Variants in CCDC91 observed in about 807,000 individuals in gnomAD.
CCDC91 encodes the protein coiled-coil domain-containing protein 91.
CCDC91 carries 48 observed loss-of-function variants against 63.2 expected under a neutral mutation model. The ratio of observed to expected loss-of-function variants is 0.76; its 90% confidence interval spans 0.60 to 0.97. The LOEUF is 0.97. Among genes scored for constraint, CCDC91 ranks in the 50% least tolerant of loss-of-function variants. The pLI is 0.00. For synonymous variants in CCDC91, 167 were observed against 165.8 expected (o/e 1.01, Z -0.06); for missense variants, 500 against 494.6 (o/e 1.01, Z -0.10).
In CCDC91 at chr12:28,362,863, GA is replaced by G. The variant is rs200150520; in HGVS notation, c.654+355del. On this transcript the variant is annotated intron_variant, in intron 7 of 12. Transcript: ENST00000536442. ...AAAAATTAAGGCATGAAATATATCA[GA>G]AAAAAATATTATACCTTTTTGCTTT... is the stretch of plus-strand genomic sequence containing the variant. Among the ~76,000 whole-genome samples, 1,402 of 152,008 alleles carry G rather than the reference GA, an allele frequency of 9.2e-3. 27 individuals carry two copies. The highest frequency in any genetic ancestry group is 0.032 in the African/African-American group (1,334 of 41,504).
intron 12 of CCDC91, among the ~76,000 whole-genome samples, chr12:28,514,945 A>G (rs1939776792): frequency 6.6e-6 from 1 of 151,758 alleles, no homozygotes; most frequent in Admixed American, 6.6e-5. Flanking sequence ...GTGATGAAAT[A>G]CTCTGTACAA....
rs543287527 is a variant in CCDC91 at position 28,489,268 on chromosome 12, A to G, written c.1215+5103A>G. Among the ~76,000 whole-genome samples the G allele has an allele frequency of 3.3e-5, 5 of 152,102 alleles. No homozygotes were observed. The South Asian group carries it at 6.2e-4, about 19-fold the overall frequency. The stretch of plus-strand genomic sequence containing the variant: ...TTTCTCTCTATGTATTAATTGCCAG[A>G]TAAGATATTATAATACATCATATCT... On this transcript the variant is annotated intron_variant, in intron 12 of 12. Coordinates refer to ENST00000536442, the MANE Select transcript of CCDC91 (RefSeq NM_018318.5).
chr12:28,489,003 A>G (rs1228930307), intron 12 of CCDC91, among the ~76,000 whole-genome samples: 1 of 151,946 alleles, frequency 6.6e-6, no homozygotes, highest in Admixed American at 6.6e-5. Flanking sequence ...TGTATTGTCC[A>G]CTAACTGGTG....
intron 8 of CCDC91, among the ~76,000 whole-genome samples, chr12:28,427,417 A>C (rs1345283007): frequency 6.6e-6 from 1 of 152,080 alleles, no homozygotes; most frequent in Non-Finnish European, 1.5e-5. Context: ...TTTATGGTGC[A>C]TTACAGGGAG....
intron 12 of CCDC91, among the ~76,000 whole-genome samples, chr12:28,497,670 C>T (rs1952380248): frequency 6.6e-6 from 1 of 151,528 alleles, no homozygotes; most frequent in South Asian, 2.1e-4. Context: ...TCCCACTATT[C>T]TTTTCACTAT....
At chr12:28,243,523 A>G (rs1945490858) in intron 1 of CCDC91, among the ~76,000 whole-genome samples, 1 of 152,212 alleles carries the variant, frequency 6.6e-6, no homozygotes, top group Non-Finnish European at 1.5e-5. Context: ...TCTCCTATTA[A>G]AGTGGGAAAT....
At chr12:28,194,502 G>T (rs1011478611) in intron 1 of CCDC91, among the ~76,000 whole-genome samples, 73 of 152,300 alleles carry the variant, frequency 4.8e-4, no homozygotes, top group African/African-American at 1.5e-3. Context: ...CCATGGTCTT[G>T]CCGACTTCAG....
At chr12:28,192,171 G>T (rs1398880943) in intron 1 of CCDC91, among the ~76,000 whole-genome samples, 2 of 152,152 alleles carry the variant, frequency 1.3e-5, no homozygotes, top group Admixed American at 6.5e-5. Context: ...ACATCACTTT[G>T]GTTTTGGGTG....
At chr12:28,274,121 T>A (rs964896215) in intron 3 of CCDC91, among the ~76,000 whole-genome samples, 34 of 152,224 alleles carry the variant, frequency 2.2e-4, no homozygotes, top group African/African-American at 7.5e-4. Flanking sequence ...TTCTTGTTTT[T>A]CTCAGGTTTG....
chr12:28,549,078 C>G lies in CCDC91; in HGVS notation c.1231C>G (p.Arg411Gly), dbSNP rs567600037. Residue 411 changes from arginine (R) to glycine (G), a missense_variant, in exon 13 of 13, where the codon CGC becomes GGC. Transcript: ENST00000536442. ...KEQKRLDQVI[R>G]QRSLSSLELF... The stretch of plus-strand genomic sequence containing the variant: ...AATTAAACAGCTCGATCAAGTCATC[C>G]GCCAAAGAAGCCTGTCCAGTTTGGA... 6.2e-7 allele frequency: 1 copy of G among 1,610,372 alleles called. No homozygotes were observed. Among genetic ancestry groups the G allele is most frequent in the Non-Finnish European group, 8.5e-7 (1 of 1,177,568 alleles).
intron 12 of CCDC91, among the ~76,000 whole-genome samples, chr12:28,489,076 A>G (rs556646799): frequency 6.6e-6 from 1 of 152,100 alleles, no homozygotes; most frequent in African/African-American, 2.4e-5. Context: ...CAAAATATTT[A>G]CTATCTGGTT....
chr12:28,401,381 A>G (rs917718885), intron 8 of CCDC91, among the ~76,000 whole-genome samples: 4 of 152,174 alleles, frequency 2.6e-5, no homozygotes, highest in African/African-American at 4.8e-5. Flanking sequence ...CAAGAACAGT[A>G]TAAGGATAAC....
intron 3 of CCDC91, among the ~76,000 whole-genome samples, chr12:28,290,066 T>C (rs1420268923): frequency 2.0e-5 from 3 of 152,066 alleles, no homozygotes; most frequent in Non-Finnish European, 4.4e-5. Flanking sequence ...AATATCTTAG[T>C]TATTTTTTTT....
chr12:28,287,753 T>C (rs1949000143), intron 3 of CCDC91, among the ~76,000 whole-genome samples: 1 of 152,226 alleles, frequency 6.6e-6, no homozygotes, highest in Non-Finnish European at 1.5e-5. Flanking sequence ...TCATTGGTAG[T>C]TGAATAGCAA....
At chr12:28,503,865 C>T (rs9738148) in intron 12 of CCDC91, among the ~76,000 whole-genome samples, 1 of 150,986 alleles carries the variant, frequency 6.6e-6, no homozygotes, top group Non-Finnish European at 1.5e-5. Context: ...TGTTCTCACT[C>T]ATAGGTAGGA....
chr12:28,264,357 A>T (rs1406535633), intron 3 of CCDC91, among the ~76,000 whole-genome samples: 1 of 109,272 alleles, frequency 9.2e-6, no homozygotes, highest in African/African-American at 2.6e-5. Context: ...TGTATTTTAT[A>T]AAAAAATTAA....
intron 8 of CCDC91, among the ~76,000 whole-genome samples, chr12:28,393,484 T>G (rs1946083180): frequency 6.6e-6 from 1 of 152,186 alleles, no homozygotes; most frequent in Non-Finnish European, 1.5e-5. Context: ...CTGTCTCTCC[T>G]ATTTTATTGC....
intron 12 of CCDC91, among the ~76,000 whole-genome samples, chr12:28,535,551 C>A (rs1338450389): frequency 1.3e-5 from 2 of 152,142 alleles, no homozygotes; most frequent in Non-Finnish European, 2.9e-5. Flanking sequence ...TTAGTGGCAT[C>A]CCAGTTGCAG....
At chr12:28,298,735 AAACAAC>A (rs1272447052) in intron 3 of CCDC91, among the ~76,000 whole-genome samples, 2 of 138,016 alleles carry the variant, frequency 1.4e-5, no homozygotes, top group Non-Finnish European at 3.4e-5. Flanking sequence ...TGTAAAAAAA[AAACAAC>A]AACAACAACA....
Sources: allele counts gnomAD v4.1 joint callset (sites outside exome capture counted in the v4.1 genomes callset), GRCh38; gene constraint gnomAD v4.1.1; transcripts MANE v1.5; gene names NCBI Gene and HGNC (gene_info 2026-07-23, HGNC 2026-07-21).